The following ZNF93 variants were observed in gnomAD, a reference collection of about 807,000 sequenced individuals.
ZNF93 encodes zinc finger protein 505.
Under a neutral mutation model 45.0 loss-of-function variants are expected in ZNF93, and 29 were observed. That is an observed-to-expected ratio of 0.64 (90% CI 0.48 to 0.88). ZNF93 has a LOEUF of 0.88. Among genes scored for constraint, ZNF93 ranks in the 40% least tolerant of loss-of-function variants. The pLI is 0.00. For missense variants in ZNF93, 578 were observed against 724.0 expected, an observed-to-expected ratio of 0.80 and a Z score of 2.31; for synonymous variants, 223 against 244.6, an observed-to-expected ratio of 0.91 and a Z score of 0.82.
Position 19,934,099 on chromosome 19 carries a change from T to C in ZNF93, c.1144T>C (p.Ser382Pro), listed in dbSNP as rs781406286. The C allele has an allele frequency of 3.7e-6, 6 of 1,610,538 alleles. No individual in the cohort carries two copies. In the Admixed American group the frequency reaches 5.1e-5, roughly 14 times the overall value. ...ATGTGGCAAAGCCTTCATTTGGTCC[T>C]CAGTCCTAACTAGACATAAGAGAGT... ...EECGKAFIWSSVLTRHKRVHT... is the reference protein window; with the variant it reads ...EECGKAFIWSPVLTRHKRVHT... Residue 382 changes from serine (S) to proline (P), a missense_variant, in exon 4 of 4, where the codon TCA (serine) becomes CCA (proline). Physicochemically the swap from Ser to Pro is moderately conservative, Grantham distance 74. Coordinates refer to ENST00000343769, the MANE Select transcript of ZNF93 (RefSeq NM_031218.4).
chr19:19,924,185 T>G (rs2063349852), intron 3 of ZNF93, among the ~76,000 whole-genome samples: 1 of 152,148 alleles, frequency 6.6e-6, no homozygotes, highest in Non-Finnish European at 1.5e-5. Context: ...CTTCCTGGGT[T>G]CAAGCAATTG....
chr19:19,903,681 G>A (rs571063091), intron 1 of ZNF93, among the ~76,000 whole-genome samples: 3 of 152,150 alleles, frequency 2.0e-5, no homozygotes, highest in East Asian at 1.9e-4. Context: ...CAGGAGAATC[G>A]CTAGAACCCG....
chr19:19,905,426 CTTA>C (rs912015484), intron 1 of ZNF93, among the ~76,000 whole-genome samples: 70 of 152,100 alleles, frequency 4.6e-4, no homozygotes, highest in Non-Finnish European at 1.5e-4. Context: ...TTTATGGGTT[CTTA>C]TTATTTAGCT....
intron 3 of ZNF93, chr19:19,926,217 T>G (rs1167314800): frequency 2.0e-5 from 3 of 151,284 alleles, no homozygotes; most frequent in African/African-American, 7.3e-5. Context: ...TAGATGGGAT[T>G]ACAGGCATGT....
chr19:19,915,258 A>C (rs754948715), intron 1 of ZNF93, 22 bp from the exon 2 acceptor site: 1 of 1,613,226 alleles, frequency 6.2e-7, no homozygotes, highest in Non-Finnish European at 8.5e-7. Context: ...ACTTGGTGAA[A>C]ATGTGTGTGT....
At chr19:19,902,925 G>T (rs1326962807) in intron 1 of ZNF93, among the ~76,000 whole-genome samples, 1 of 151,866 alleles carries the variant, frequency 6.6e-6, no homozygotes, top group East Asian at 2.0e-4. Flanking sequence ...TTTTTTAATA[G>T]AGACGGGGTT....
intron 3 of ZNF93, among the ~76,000 whole-genome samples, chr19:19,926,821 T>C (rs569673435): frequency 3.7e-4 from 56 of 152,328 alleles, no homozygotes; most frequent in Admixed American, 3.3e-4. Context: ...TATGTGTATA[T>C]CTATAAATAT....
At chr19:19,909,249 AG>A (rs2063301258) in intron 1 of ZNF93, 1 of 152,290 alleles carries the variant, frequency 6.6e-6, no homozygotes, top group Non-Finnish European at 1.5e-5. Context: ...GTAGCGGTAA[AG>A]AGAGGACACT....
chr19:19,929,716 A>G (rs2122193811), intron 3 of ZNF93, among the ~76,000 whole-genome samples: 1 of 151,988 alleles, frequency 6.6e-6, no homozygotes, highest in African/African-American at 2.4e-5. Flanking sequence ...AGGCGGGCGG[A>G]TCACGAGGTC....
chr19:19,921,494 C>G (rs1366389088), intron 3 of ZNF93, among the ~76,000 whole-genome samples: 3 of 152,062 alleles, frequency 2.0e-5, no homozygotes, highest in South Asian at 2.1e-4. Context: ...TCCTGGATAT[C>G]CTTGTTAACT....
At chr19:19,902,608 C>T (rs1316735305) in intron 1 of ZNF93, among the ~76,000 whole-genome samples, 1 of 151,766 alleles carries the variant, frequency 6.6e-6, no homozygotes, top group African/African-American at 2.4e-5. Flanking sequence ...GCCTCCCCTG[C>T]AGATGTCCCA....
At chr19:19,929,269 C>G (rs1295425533) in intron 3 of ZNF93, among the ~76,000 whole-genome samples, 1 of 152,156 alleles carries the variant, frequency 6.6e-6, no homozygotes, top group African/African-American at 2.4e-5. Flanking sequence ...TTCTTATACA[C>G]TCTGCCAAGC....
At chr19:19,905,657 ATTGGCTTAC>A (rs2063290754) in intron 1 of ZNF93, among the ~76,000 whole-genome samples, 1 of 151,980 alleles carries the variant, frequency 6.6e-6, no homozygotes, top group African/African-American at 2.4e-5. Context: ...ATGGCATGCT[ATTGGCTTAC>A]TTTAGCCTCA....
At position 19,919,796 on chromosome 19, in the gene ZNF93, T is replaced by C. The variant is rs140517351; in HGVS notation, c.226+3141T>C. Among the ~76,000 whole-genome samples the C allele has an allele frequency of 6.0e-3, 916 of 152,346 alleles. 31 individuals are homozygous for C. The highest frequency in any genetic ancestry group is 0.055 in the Admixed American group (836 of 15,288). ...TAAGAATGCTTGTGATTTTTTCACA[T>C]TGATTTTGTATCCTGAGACTTTGCT... On this transcript the variant is annotated intron_variant, in intron 3 of 3. Coordinates refer to ENST00000343769, the MANE Select transcript of ZNF93 (RefSeq NM_031218.4).
At position 19,927,190 on chromosome 19, in the gene ZNF93, G is replaced by C. The variant is rs370397203; in HGVS notation, c.227-5992G>C. 7.5e-6 allele frequency: 3 copies of C among 398,396 alleles called. 1 individual carries two copies. In the South Asian group the frequency reaches 3.8e-4, roughly 51 times the overall value. 24.7% of individuals were successfully genotyped at this position (398,396 alleles called of 1,614,324 possible). A position where few individuals can be genotyped will look rare whatever the true frequency, so the allele number is the denominator to read the frequency against. On this transcript the variant is annotated intron_variant, in intron 3 of 3. Coordinates refer to ENST00000343769, the MANE Select transcript of ZNF93 (RefSeq NM_031218.4). ...CCAAGAGGATCCCTGGAGCCCAAAA[G>C]TTTGAGAACAGCCTGGGCAACATAT...
rs554734160 is a variant in ZNF93, at chr19:19,934,721, G to C, written c.1766G>C (p.Gly589Ala). 1 of 1,613,484 alleles carries C rather than the reference G, an allele frequency of 6.2e-7. No individual in the cohort carries two copies. The highest frequency in any genetic ancestry group is 1.3e-5 in the African/African-American group (1 of 74,986). ...TLSSHKKIHS[G>A]EKPYECDKCG... Reference sequence around the variant, plus strand: ...TCTTCACATAAGAAAATCCATTCTGGAGAGAAACCATACGAGTGTGATAAA... The same window carrying C: ...TCTTCACATAAGAAAATCCATTCTGCAGAGAAACCATACGAGTGTGATAAA... The change falls in exon 4 of 4, where the codon GGA (glycine) becomes GCA (alanine). Residue 589 changes from glycine (G) to alanine (A), a missense_variant. Around this residue, in one of 3 missense-constraint regions of ZNF93, gnomAD observed 119 missense variants for 123.1 expected, o/e 0.97. Coordinates refer to ENST00000343769, the MANE Select transcript of ZNF93 (RefSeq NM_031218.4).
At chr19:19,904,098 C>T (rs540081683) in intron 1 of ZNF93, among the ~76,000 whole-genome samples, 6 of 147,412 alleles carry the variant, frequency 4.1e-5, no homozygotes, top group East Asian at 2.0e-4. Context: ...TTTTGACCAC[C>T]GAAGACAAAT....
intron 1 of ZNF93, among the ~76,000 whole-genome samples, chr19:19,914,382 G>T (rs532442074): frequency 1.3e-5 from 2 of 152,284 alleles, no homozygotes; most frequent in South Asian, 4.1e-4. Context: ...CAGAACATAG[G>T]AGTTAACTGT....
At chr19:19,917,374 G>A (rs2063327514) in intron 3 of ZNF93, among the ~76,000 whole-genome samples, 1 of 150,944 alleles carries the variant, frequency 6.6e-6, no homozygotes, top group African/African-American at 2.4e-5. Context: ...AAATTTATTT[G>A]GATCTTCTAA....
Sources: allele counts gnomAD v4.1 joint callset (sites outside exome capture counted in the v4.1 genomes callset), GRCh38; gene constraint gnomAD v4.1.1; regional missense constraint gnomAD v4.1.1; transcripts MANE v1.5; gene names NCBI Gene and HGNC (gene_info 2026-07-23, HGNC 2026-07-21).